The following ADCY2 variants were observed in gnomAD, a reference collection of about 807,000 sequenced individuals.
The protein encoded by ADCY2 is adenylate cyclase type 2.
A neutral mutation model predicts 125.2 loss-of-function variants in ADCY2; 31 were observed. The ratio of observed to expected loss-of-function variants is 0.25; its 90% CI spans 0.19 to 0.33. The LOEUF (loss-of-function observed/expected upper bound fraction) is 0.33. Among genes scored for constraint, ADCY2 ranks in the 10% least tolerant of loss-of-function variants. The pLI is 1.00. For synonymous variants in ADCY2, 512 were observed against 548.4 expected (o/e 0.93, Z 0.93); for missense variants, 904 against 1,418.2 (o/e 0.64, Z 5.82).
chr5:7,820,825 A>G (rs1745274003), intron 24 of ADCY2, 136 bp downstream of exon 24: 2 of 1,210,878 alleles, frequency 1.7e-6, no homozygotes, highest in Non-Finnish European at 2.2e-6. Flanking sequence ...TATCTTTTGG[A>G]GAACAATTTT....
At chr5:7,444,588 A>G (rs1460480822) in intron 2 of ADCY2, among the ~76,000 whole-genome samples, 3 of 151,882 alleles carry the variant, frequency 2.0e-5, no homozygotes, top group Non-Finnish European at 2.9e-5. Context: ...TCAATCTTTT[A>G]CTCTTAGCAA....
chr5:7,775,013 A>T (rs1743675070), intron 18 of ADCY2, among the ~76,000 whole-genome samples: 1 of 151,868 alleles, frequency 6.6e-6, no homozygotes, highest in African/African-American at 2.4e-5. Context: ...CTTTTTACTT[A>T]TTTATTTATT....
chr5:7,567,479 T>C (rs1735936422), intron 3 of ADCY2, among the ~76,000 whole-genome samples: 1 of 152,232 alleles, frequency 6.6e-6, no homozygotes, highest in African/African-American at 2.4e-5. Flanking sequence ...TTCTTCTTTG[T>C]AGTTCTTTTT....
chr5:7,600,324 G>A (rs78237241), intron 3 of ADCY2, among the ~76,000 whole-genome samples: 2,250 of 152,298 alleles, frequency 0.015, 50 homozygotes, highest in African/African-American at 0.051. Context: ...GGGTCAAGGT[G>A]GAGAGGTTGT....
chr5:7,690,330 T>C (rs1389769731), intron 4 of ADCY2, among the ~76,000 whole-genome samples: 1 of 152,170 alleles, frequency 6.6e-6, no homozygotes, highest in Non-Finnish European at 1.5e-5. Flanking sequence ...CAGGCAAAAA[T>C]GAGTGTTCTC....
intron 4 of ADCY2, among the ~76,000 whole-genome samples, chr5:7,643,361 C>G (rs1738779275): frequency 6.6e-6 from 1 of 152,034 alleles, no homozygotes; most frequent in Admixed American, 6.6e-5. Flanking sequence ...AGTAAATTCT[C>G]TATTCACTCT....
chr5:7,728,469 C>T (rs1742001082), intron 14 of ADCY2, among the ~76,000 whole-genome samples: 1 of 152,148 alleles, frequency 6.6e-6, no homozygotes, highest in Non-Finnish European at 1.5e-5. Context: ...AATACATAGA[C>T]CAAAGGAGCC....
chr5:7,692,935 C>T (rs1579321917), intron 5 of ADCY2, among the ~76,000 whole-genome samples: 1 of 152,138 alleles, frequency 6.6e-6, no homozygotes, highest in African/African-American at 2.4e-5. Flanking sequence ...GCTTTCCATA[C>T]TCATCTACTT....
intron 15 of ADCY2, among the ~76,000 whole-genome samples, chr5:7,745,683 G>C (rs1742581135): frequency 6.6e-6 from 1 of 152,142 alleles, no homozygotes; most frequent in African/African-American, 2.4e-5. Flanking sequence ...CATGTCTCAG[G>C]TTTCCAAAAC....
At chr5:7,494,333 C>T (rs149303174) in intron 2 of ADCY2, among the ~76,000 whole-genome samples, 48 of 152,168 alleles carry the variant, frequency 3.2e-4, no homozygotes, top group South Asian at 1.5e-3. Flanking sequence ...GCTCCTCATA[C>T]CCCTGATCAA....
chr5:7,616,042 C>T (rs560469365), intron 3 of ADCY2, among the ~76,000 whole-genome samples: 2 of 152,176 alleles, frequency 1.3e-5, no homozygotes, highest in South Asian at 2.1e-4. Flanking sequence ...GTTGTTTGGG[C>T]ATAATACTTA....
intron 3 of ADCY2, among the ~76,000 whole-genome samples, chr5:7,590,057 A>G (rs1736800633): frequency 6.6e-6 from 1 of 152,072 alleles, no homozygotes; most frequent in African/African-American, 2.4e-5. Context: ...CCCAAATCCC[A>G]TGGCCAAGCA....
chr5:7,779,200 T>C (rs1743835522), intron 18 of ADCY2, among the ~76,000 whole-genome samples: 1 of 152,186 alleles, frequency 6.6e-6, no homozygotes, highest in East Asian at 1.9e-4. Flanking sequence ...AACAAGCTTC[T>C]TTTCCTTCTA....
intron 2 of ADCY2, among the ~76,000 whole-genome samples, chr5:7,517,276 T>G (rs920884532): frequency 6.6e-6 from 1 of 152,160 alleles, no homozygotes; most frequent in African/African-American, 2.4e-5. Flanking sequence ...CTCTTTAGCC[T>G]CTGGACAGAG....
At chr5:7,796,171 C>T (rs1461514738) in intron 20 of ADCY2, 1 of 152,190 alleles carries the variant, frequency 6.6e-6, no homozygotes, top group African/African-American at 2.4e-5. Flanking sequence ...CATGCATAAA[C>T]AGGATGGGGG....
intron 4 of ADCY2, among the ~76,000 whole-genome samples, chr5:7,675,595 C>T (rs959085326): frequency 1.3e-5 from 2 of 152,214 alleles, no homozygotes; most frequent in Admixed American, 1.3e-4. Flanking sequence ...GCAAACCAGG[C>T]ACTGTTCCAT....
Position 7,651,991 on chromosome 5 carries a change from C to T in ADCY2, c.720+25675C>T, listed in dbSNP as rs117421474. ...TTAATTTTTGTAGTTTTAGTAAGGA[C>T]GGGGGTTTCACCATGTTGACCAGGA... On this transcript the variant is annotated intron_variant, in intron 4 of 24. Coordinates refer to ENST00000338316, the MANE Select transcript of ADCY2 (RefSeq NM_020546.3). Among the ~76,000 whole-genome samples, 3,402 of 152,038 alleles carry T rather than the reference C, an allele frequency of 0.022. 328 individuals are homozygous for T. The East Asian group carries it at 0.32, about 15-fold the overall frequency.
intron 3 of ADCY2, among the ~76,000 whole-genome samples, chr5:7,546,065 A>T (rs1383246061): frequency 6.6e-6 from 1 of 151,866 alleles, no homozygotes; most frequent in African/African-American, 2.4e-5. Context: ...CCCATCAGTA[A>T]CTCCTTTCAC....
chr5:7,632,942 T>C (rs1047750013), intron 4 of ADCY2, among the ~76,000 whole-genome samples: 1 of 152,180 alleles, frequency 6.6e-6, no homozygotes, highest in Non-Finnish European at 1.5e-5. Context: ...CAATGAAGAT[T>C]GTGCTATGAC....
Sources: gnomAD v4.1 joint callset for allele counts (sites outside exome capture counted in the v4.1 genomes callset) on GRCh38, gnomAD v4.1.1 for gene constraint, MANE v1.5 for transcripts, NCBI Gene and HGNC (gene_info 2026-07-23, HGNC 2026-07-21) for gene names.